The following RFWD3 variants were observed in gnomAD, a reference collection of about 807,000 sequenced individuals.
The protein encoded by RFWD3 is E3 ubiquitin-protein ligase RFWD3.
A neutral mutation model predicts 87.7 loss-of-function variants in RFWD3; 65 were observed. That is an observed-to-expected ratio of 0.74 (90% confidence interval 0.61 to 0.91). RFWD3 has a LOEUF of 0.91. Among genes scored for constraint, RFWD3 ranks in the 40% least tolerant of loss-of-function variants. The probability of loss-of-function intolerance (pLI) is 0.00; values close to 1 mark genes in which losing one functional copy is unlikely to be tolerated. For missense variants in RFWD3, 1,078 were observed against 938.5 expected (o/e 1.15, Z -1.94); for synonymous variants, 433 against 352.8 (o/e 1.23, Z -2.55).
rs575649399 is a variant in RFWD3, at chr16:74,652,192, T to C, written c.519-70A>G. On this transcript the variant is annotated intron_variant, in intron 2 of 12. Transcript: ENST00000361070. ...CATCACAAAAACAATCTATAGTGATTTGAAGTAAATCCTATCACTTCAACC... is the reference window on the plus strand; with the variant it reads ...CATCACAAAAACAATCTATAGTGATCTGAAGTAAATCCTATCACTTCAACC... 1.1e-4 allele frequency: 147 copies of C among 1,394,272 alleles called. No homozygotes were observed. The African/African-American group carries it at 1.8e-3, about 17-fold the overall frequency. The allele number at this position is 1,394,272 out of a possible 1,614,324, so 86.4% of individuals were successfully genotyped here. A position where few individuals can be genotyped will look rare whatever the true frequency, so the allele number is the denominator to read the frequency against.
intron 8 of RFWD3, among the ~76,000 whole-genome samples, chr16:74,633,249 C>G (rs1463693298): frequency 1.5e-5 from 2 of 136,380 alleles, no homozygotes; most frequent in Non-Finnish European, 3.0e-5. Context: ...TACACTCCAG[C>G]GTGGGCAACC....
chr16:74,661,139 T>C lies in RFWD3; in HGVS notation c.311A>G (p.Gln104Arg). The change falls in exon 2 of 13, where the codon CAG (glutamine) becomes CGG (arginine). Residue 104 changes from glutamine to arginine, a missense_variant. Gln to Arg is a conservative substitution (Grantham distance 43). Transcript: ENST00000361070. ...GATGGTGTGATTACCATCAGATCCC[T>C]GCCTATGTTGTTCTGAAGTTCTTGG... ...INPRTSEQHRQGSDGNHTIPA... is the reference protein window; with the variant it reads ...INPRTSEQHRRGSDGNHTIPA... 2 of 1,614,236 alleles carry C rather than the reference T, an allele frequency of 1.2e-6. No individual in the cohort carries two copies.
At chr16:74,657,419 A>C (rs1391584581) in intron 2 of RFWD3, among the ~76,000 whole-genome samples, 3 of 151,754 alleles carry the variant, frequency 2.0e-5, no homozygotes, top group African/African-American at 7.3e-5. Context: ...TTCCATGGAG[A>C]TAATTCTCTG....
chr16:74,644,831 A>G (rs1162875817), intron 4 of RFWD3, 96 bp from the exon 5 acceptor site: 6 of 1,102,664 alleles, frequency 5.4e-6, no homozygotes, highest in South Asian at 1.6e-5. Context: ...TGCAAAAAAA[A>G]TGATACAATC....
rs1959135080 is a variant in RFWD3, at chr16:74,632,588, C to T, written c.1512G>A (p.Ala504=). 3 of 1,614,104 alleles carry T rather than the reference C, an allele frequency of 1.9e-6. No homozygotes were observed. The highest frequency in any genetic ancestry group is 2.5e-6 in the Non-Finnish European group (3 of 1,179,994). The change falls in exon 9 of 13, where the codon GCG becomes GCA. Residue 504 remains alanine, a synonymous_variant. Transcript: ENST00000361070. ...GCAAGCCTCTGAGGTAACTGCTAAA[C>T]GCCAGTCCACGGATCTGTTTGCCAT... ...PMHGKQIRGL[A]FSSYLRGLLL... is the part of the protein sequence containing the mutation.
Position 74,637,890 on chromosome 16 carries a change from G to C in RFWD3, c.1160C>G (p.Thr387Ser). 3 of 1,612,898 alleles carry C rather than the reference G, an allele frequency of 1.9e-6. No individual in the cohort carries two copies. Among genetic ancestry groups the C allele is most frequent in the Non-Finnish European group, 2.5e-6 (3 of 1,179,782 alleles). ...CCTTTGAAGCCTAGTGCACTTATCAGTGAGGACCTGCAGTTGGAGTCGGCA... is the reference window on the plus strand; with the variant it reads ...CCTTTGAAGCCTAGTGCACTTATCACTGAGGACCTGCAGTTGGAGTCGGCA... ...AQCRLQLQVL[T>S]DKCTRLQRRV... Residue 387 changes from threonine (T) to serine (S), a missense_variant, in exon 7 of 13, where the codon ACT becomes AGT. Thr to Ser is a moderately conservative substitution (Grantham distance 58). Transcript: ENST00000361070.
At position 74,652,029 on chromosome 16, in the gene RFWD3, T is replaced by C. The variant is rs1047758944; in HGVS notation, c.612A>G (p.Val204=). 13 of 1,613,954 alleles carry C rather than the reference T, an allele frequency of 8.1e-6. No individual in the cohort carries two copies. In the Admixed American group the frequency reaches 2.0e-4, roughly 25 times the overall value. The change falls in exon 3 of 13, where the codon GTA becomes GTG. Residue 204 remains valine, a synonymous_variant. Coordinates refer to ENST00000361070, the MANE Select transcript of RFWD3 (RefSeq NM_018124.4). ...TTYDSETRNP[V]SEELQVSSSS... is the part of the protein sequence containing the mutation. ...TACTAGACACCTGCAACTCTTCAGA[T>C]ACAGGATTCCTAGTCTCTGAATCAT...
In RFWD3 at chr16:74,649,255, T is replaced by C. The variant is rs373953511; in HGVS notation, c.722-53A>G. On this transcript the variant is annotated intron_variant, in intron 3 of 12. Coordinates refer to ENST00000361070, the MANE Select transcript of RFWD3 (RefSeq NM_018124.4). The stretch of plus-strand genomic sequence containing the variant: ...GAGAGGTAAAATACAAAATAAGATA[T>C]GTCAGGTATGAGAAGCTAGCAGGAG... 351 of 1,318,762 alleles carry C rather than the reference T, an allele frequency of 2.7e-4. 4 individuals carry two copies. The Middle Eastern group carries it at 3.9e-3, about 15-fold the overall frequency. The allele number at this position is 1,318,762 out of a possible 1,614,324, so 81.7% of individuals were successfully genotyped here.
chr16:74,632,771 C>T (rs1173572628), intron 8 of RFWD3, 98 bp from the exon 9 acceptor site: 3 of 1,093,758 alleles, frequency 2.7e-6, no homozygotes, highest in South Asian at 3.0e-5. Context: ...CCTTTCTTGG[C>T]GTATAAGTCC....
chr16:74,628,646 G>A lies in RFWD3; in HGVS notation c.1775C>T (p.Ser592Leu), dbSNP rs1378903421. The A allele has an allele frequency of 6.2e-7, 1 of 1,614,144 alleles. No individual in the cohort carries two copies. The highest frequency in any genetic ancestry group is 8.5e-7 in the Non-Finnish European group (1 of 1,180,044). Reference sequence around the variant, plus strand: ...AGCTGAGGCAGCTCTGGGCATGTATGACAGGGAGACCAGTGGGCATCTGAA... The same window carrying A: ...AGCTGAGGCAGCTCTGGGCATGTATAACAGGGAGACCAGTGGGCATCTGAA... Reference protein sequence around the residue: ...QKARCPLVSLSYMPRAASAAF... With the variant: ...QKARCPLVSLLYMPRAASAAF... The change falls in exon 11 of 13, where the codon TCA (serine) becomes TTA (leucine). Residue 592 changes from serine (S) to leucine (L), a missense_variant. Transcript: ENST00000361070.
rs541395125 is a variant in RFWD3, at chr16:74,624,689, G to A, written c.2182-618C>T. ...TGGGATTACAGGCGTGAGCCACCGC[G>A]TCTGGCCTCTAAAAATTTATTATTG... On this transcript the variant is annotated intron_variant, in intron 12 of 12. Coordinates refer to ENST00000361070, the MANE Select transcript of RFWD3 (RefSeq NM_018124.4). Among the ~76,000 whole-genome samples the A allele has an allele frequency of 2.8e-3, 431 of 152,242 alleles. 1 individual carries two copies. Among genetic ancestry groups the A allele is most frequent in the Admixed American group, 0.014 (214 of 15,292 alleles).
chr16:74,654,253 G>T lies in RFWD3; in HGVS notation c.519-2131C>A, dbSNP rs368220807. Among the ~76,000 whole-genome samples, 50 of 152,168 alleles carry T rather than the reference G, an allele frequency of 3.3e-4. 1 individual carries two copies. The South Asian group carries it at 0.01, about 31-fold the overall frequency. On this transcript the variant is annotated intron_variant, in intron 2 of 12. Coordinates refer to ENST00000361070, the MANE Select transcript of RFWD3 (RefSeq NM_018124.4). ...GTCTGTCAATTTTGTTGATCTTTTA[G>T]AAGAACCAACTTTTTGATTCGTTCA...
At position 74,644,559 on chromosome 16, in the gene RFWD3, T is replaced by C. The variant is rs541209222; in HGVS notation, c.969A>G (p.Gln323=). The change falls in exon 5 of 13, where the codon CAA becomes CAG. Residue 323 remains glutamine (Q), a synonymous_variant. Coordinates refer to ENST00000361070, the MANE Select transcript of RFWD3 (RefSeq NM_018124.4). ...TCCTTACCTGGGGACATTTTCGTAC[T>C]TGTCCTTTAAGCCACGTGGAAATGC... ...YRCISTWLKG[Q]VRKCPQCNKK... 1.1e-5 allele frequency: 18 copies of C among 1,614,228 alleles called. No homozygotes were observed. In the South Asian group the frequency reaches 1.3e-4, roughly 12 times the overall value.
chr16:74,660,738 G>T, intron 2 of RFWD3, 194 bp downstream of exon 2: 1 of 595,880 alleles, frequency 1.7e-6, no homozygotes. Flanking sequence ...AGTTTTCAAG[G>T]CACAACAGTT....
intron 4 of RFWD3, among the ~76,000 whole-genome samples, chr16:74,646,535 C>T (rs537128611): frequency 6.6e-6 from 1 of 152,186 alleles, no homozygotes; most frequent in Non-Finnish European, 1.5e-5. Context: ...CACCTGTAAT[C>T]CTAGCACTTT....
At chr16:74,649,338 T>A in intron 3 of RFWD3, 136 bp from the exon 4 acceptor site, 1 of 574,562 alleles carries the variant, frequency 1.7e-6, no homozygotes, top group South Asian at 2.1e-5. Flanking sequence ...GCAAAAAGGA[T>A]GACAACTTCC....
intron 1 of RFWD3, among the ~76,000 whole-genome samples, chr16:74,663,769 ATAAAAC>A (rs1386672199): frequency 6.6e-6 from 1 of 152,230 alleles, no homozygotes; most frequent in Non-Finnish European, 1.5e-5. Flanking sequence ...GAGCCAAAAG[ATAAAAC>A]TCAAAGCCTG....
intron 4 of RFWD3, among the ~76,000 whole-genome samples, chr16:74,646,692 A>AG (rs1435407297): frequency 6.6e-6 from 1 of 152,168 alleles, no homozygotes; most frequent in Admixed American, 6.6e-5. Flanking sequence ...AGACTGAGGC[A>AG]GGGGAATCGC....
chr16:74,634,879 T>C (rs1004520294), intron 8 of RFWD3, among the ~76,000 whole-genome samples: 2 of 151,838 alleles, frequency 1.3e-5, no homozygotes, highest in Admixed American at 1.3e-4. Flanking sequence ...TGGTGGCTCA[T>C]GCCTGTAATC....
Sources: allele counts gnomAD v4.1 joint callset (sites outside exome capture counted in the v4.1 genomes callset), GRCh38; gene constraint gnomAD v4.1.1; transcripts MANE v1.5; gene names NCBI Gene and HGNC (gene_info 2026-07-23, HGNC 2026-07-21).